Variants in RSU1 observed in about 807,000 individuals in gnomAD.
RSU1 encodes the protein rsu-1.
A neutral mutation model predicts 31.1 loss-of-function variants in RSU1; 26 were observed. The observed-to-expected ratio is 0.84, with a 90% CI of 0.61 to 1.16. The LOEUF is 1.16. Among genes scored for constraint, RSU1 ranks in the 50% most tolerant of loss-of-function variants. RSU1 has a pLI of 0.00. For missense variants in RSU1, 320 were observed against 339.1 expected (o/e 0.94, Z 0.44); for synonymous variants, 164 against 136.3 (o/e 1.20, Z -1.41).
chr10:16,720,262 G>C (rs963139705), intron 7 of RSU1, among the ~76,000 whole-genome samples: 2 of 152,182 alleles, frequency 1.3e-5, no homozygotes, highest in African/African-American at 4.8e-5. Flanking sequence ...CCTAACCATA[G>C]TTATGACAGA....
intron 7 of RSU1, among the ~76,000 whole-genome samples, chr10:16,745,296 C>T (rs1836827792): frequency 2.0e-5 from 3 of 152,110 alleles, no homozygotes; most frequent in Admixed American, 1.3e-4. Flanking sequence ...CCTTTTAATC[C>T]TCACAAAGAC....
chr10:16,618,463 A>G (rs1015898992), intron 8 of RSU1, among the ~76,000 whole-genome samples: 1 of 152,344 alleles, frequency 6.6e-6, no homozygotes, highest in South Asian at 2.1e-4. Context: ...TGACTCAGCA[A>G]TCCCATTACT....
In RSU1 at chr10:16,657,763, C is replaced by T. The variant is rs1199039433; in HGVS notation, c.731+37260G>A. Reference sequence around the variant, plus strand: ...ATCCCAGCACTTTGGGAGGCTGAGGCGGGCAGATCACTTGAGGCCAGGAAT... The same window carrying T: ...ATCCCAGCACTTTGGGAGGCTGAGGTGGGCAGATCACTTGAGGCCAGGAAT... On this transcript the variant is annotated intron_variant, in intron 8 of 8. Coordinates refer to ENST00000345264, the MANE Select transcript of RSU1 (RefSeq NM_012425.4). 2.6e-5 allele frequency among the ~76,000 whole-genome samples: 4 copies of T among 152,060 alleles called. No homozygotes were observed. The East Asian group carries it at 5.8e-4, about 22-fold the overall frequency.
At chr10:16,714,631 G>C (rs2131583420) in intron 7 of RSU1, among the ~76,000 whole-genome samples, 1 of 152,066 alleles carries the variant, frequency 6.6e-6, no homozygotes, top group South Asian at 2.1e-4. Flanking sequence ...GTGTCACTTG[G>C]GTTTGAACAC....
intron 8 of RSU1, among the ~76,000 whole-genome samples, chr10:16,683,160 G>GGTGTGAGTGTGTGTGTGT (rs1554766310): frequency 7.0e-6 from 1 of 143,352 alleles, no homozygotes; most frequent in African/African-American, 2.6e-5. Context: ...ATGGGTGTGT[G>GGTGTGAGTGTGTGTGTGT]GTGTGTGTGT....
chr10:16,808,533 C>T (rs1239801315), intron 2 of RSU1, among the ~76,000 whole-genome samples: 1 of 151,288 alleles, frequency 6.6e-6, no homozygotes, highest in African/African-American at 2.4e-5. Context: ...TCCACCACTG[C>T]CTGAGTGACA....
At chr10:16,777,915 G>A (rs962456945) in intron 3 of RSU1, among the ~76,000 whole-genome samples, 3 of 152,012 alleles carry the variant, frequency 2.0e-5, no homozygotes, top group Non-Finnish European at 4.4e-5. Context: ...CCCTGGCTGC[G>A]AGTCCTTTGT....
At chr10:16,753,345 G>A (rs1364897013) in intron 5 of RSU1, among the ~76,000 whole-genome samples, 3 of 152,194 alleles carry the variant, frequency 2.0e-5, no homozygotes, top group East Asian at 1.9e-4. Flanking sequence ...TGCATCCAAA[G>A]TAAAACAAAG....
At chr10:16,784,101 T>A (rs1486162011) in intron 2 of RSU1, among the ~76,000 whole-genome samples, 1 of 150,052 alleles carries the variant, frequency 6.7e-6, no homozygotes, top group Non-Finnish European at 1.5e-5. Flanking sequence ...TTTTTTTTTT[T>A]AACATGACCT....
chr10:16,657,932 G>A (rs1834818554), intron 8 of RSU1, among the ~76,000 whole-genome samples: 2 of 152,184 alleles, frequency 1.3e-5, no homozygotes, highest in East Asian at 1.9e-4. Flanking sequence ...GGAGGTTGCA[G>A]TGAGCCAAGA....
chr10:16,743,764 T>G (rs1276060421), intron 7 of RSU1, among the ~76,000 whole-genome samples: 1 of 152,194 alleles, frequency 6.6e-6, no homozygotes, highest in Non-Finnish European at 1.5e-5. Context: ...AAATTAACTT[T>G]TTTATTATGT....
intron 8 of RSU1, among the ~76,000 whole-genome samples, chr10:16,640,458 A>G (rs1834421534): frequency 6.6e-6 from 1 of 152,180 alleles, no homozygotes; most frequent in East Asian, 1.9e-4. Flanking sequence ...CAATCTTTTC[A>G]AAAAGTCAAT....
intron 8 of RSU1, among the ~76,000 whole-genome samples, chr10:16,689,840 C>A (rs548106445): frequency 6.6e-6 from 1 of 152,258 alleles, no homozygotes; most frequent in South Asian, 2.1e-4. Context: ...GGCAGAATGA[C>A]GAGGAAGCAT....
At chr10:16,786,272 G>A (rs1010265504) in intron 2 of RSU1, among the ~76,000 whole-genome samples, 7 of 152,284 alleles carry the variant, frequency 4.6e-5, no homozygotes, top group Middle Eastern at 3.4e-3. Context: ...TTTAGCTGAC[G>A]GGTTATAATC....
chr10:16,681,557 G>A (rs557362679), intron 8 of RSU1, among the ~76,000 whole-genome samples: 1 of 152,126 alleles, frequency 6.6e-6, no homozygotes, highest in African/African-American at 2.4e-5. Context: ...GAATTAAATT[G>A]AATTAAAAAA....
intron 8 of RSU1, among the ~76,000 whole-genome samples, chr10:16,685,380 G>A (rs889425084): frequency 6.6e-6 from 1 of 152,228 alleles, no homozygotes; most frequent in Non-Finnish European, 1.5e-5. Flanking sequence ...ACAGAGTAAA[G>A]TTAAAGGAAG....
chr10:16,609,522 C>T (rs568577028), intron 8 of RSU1, among the ~76,000 whole-genome samples: 6 of 152,322 alleles, frequency 3.9e-5, no homozygotes, highest in Admixed American at 3.3e-4. Context: ...GAAGTAAAAG[C>T]GTGGGGTGGA....
At chr10:16,668,774 T>C (rs1355284508) in intron 8 of RSU1, among the ~76,000 whole-genome samples, 1 of 152,188 alleles carries the variant, frequency 6.6e-6, no homozygotes, top group Non-Finnish European at 1.5e-5. Context: ...CACACTGCAG[T>C]GACCTCATTT....
At chr10:16,790,809 TTC>T (rs1272028593) in intron 2 of RSU1, among the ~76,000 whole-genome samples, 1 of 152,174 alleles carries the variant, frequency 6.6e-6, no homozygotes, top group Non-Finnish European at 1.5e-5. Flanking sequence ...TCCCTATTTG[TTC>T]TCTCTTTCTC....
Sources: gnomAD v4.1 joint callset for allele counts (sites outside exome capture counted in the v4.1 genomes callset) on GRCh38, gnomAD v4.1.1 for gene constraint, MANE v1.5 for transcripts, NCBI Gene and HGNC (gene_info 2026-07-23, HGNC 2026-07-21) for gene names.